WDFY2: variants seen among roughly 807,000 people sequenced by gnomAD.
WDFY2 encodes the protein WD repeat and FYVE domain-containing protein 2.
WDFY2 carries 36 observed loss-of-function variants against 56.4 expected under a neutral mutation model. The observed-to-expected ratio is 0.64, with a 90% confidence interval of 0.49 to 0.84. WDFY2 has a LOEUF of 0.84. WDFY2 is among the 40% of genes least tolerant of loss of function. The pLI, the probability that WDFY2 is intolerant of heterozygous loss-of-function variation, is 0.00. For missense variants in WDFY2, 444 were observed against 512.2 expected (o/e 0.87, Z 1.29); for synonymous variants, 176 against 183.7 (o/e 0.96, Z 0.34).
At chr13:51,745,973 C>CTTTTTCTTTTTTTTTTT (rs1953090484) in intron 7 of WDFY2, among the ~76,000 whole-genome samples, 1 of 100,762 alleles carries the variant, frequency 9.9e-6, no homozygotes, top group Non-Finnish European at 1.9e-5. Context: ...TTTTCTTTTT[C>CTTTTTCTTTTTTTTTTT]TTTTTTTTTT....
intron 1 of WDFY2, chr13:51,586,239 G>A: frequency 2.5e-6 from 1 of 393,288 alleles, no homozygotes; most frequent in Non-Finnish European, 4.5e-6. Context: ...TTGTTTTTAT[G>A]GGATATATTC....
rs2146651 is a variant in WDFY2 at position 51,696,394 on chromosome 13, C to G, written c.280-7202C>G. 6.0e-3 allele frequency among the ~76,000 whole-genome samples: 911 copies of G among 152,284 alleles called. 4 individuals are homozygous for G. The highest frequency in any genetic ancestry group is 9.1e-3 in the Non-Finnish European group (617 of 68,028). On this transcript the variant is annotated intron_variant, in intron 3 of 11. Transcript: ENST00000298125. ...AAAAAGATTATTTATGTTCATCTAG[C>G]TACATTTTTCTTTAAGAAAAGAATT...
At chr13:51,585,545 T>C (rs536139922) in intron 1 of WDFY2, among the ~76,000 whole-genome samples, 18 of 152,254 alleles carry the variant, frequency 1.2e-4, no homozygotes, top group Non-Finnish European at 2.6e-4. Context: ...CTAGTTGTTC[T>C]GCCTTCAAAT....
At chr13:51,750,302 A>T (rs1310760328) in intron 7 of WDFY2, among the ~76,000 whole-genome samples, 2 of 152,226 alleles carry the variant, frequency 1.3e-5, no homozygotes, top group Non-Finnish European at 2.9e-5. Context: ...AATCCAATTT[A>T]TTGACACCCT....
chr13:51,758,862 A>T (rs1246905774), intron 11 of WDFY2, among the ~76,000 whole-genome samples: 1 of 152,158 alleles, frequency 6.6e-6, no homozygotes, highest in Non-Finnish European at 1.5e-5. Flanking sequence ...AAGCTACCAG[A>T]TCTCCGTGAC....
chr13:51,726,033 T>C (rs895572350), intron 5 of WDFY2, among the ~76,000 whole-genome samples: 2 of 152,228 alleles, frequency 1.3e-5, no homozygotes, highest in African/African-American at 4.8e-5. Flanking sequence ...ATAGGAACTA[T>C]GACAAGGGAG....
chr13:51,629,826 C>CTTTTTTTTTTTTTTTTTG (rs11432630), intron 1 of WDFY2, among the ~76,000 whole-genome samples: 2 of 125,140 alleles, frequency 1.6e-5, no homozygotes, highest in Non-Finnish European at 3.3e-5. Context: ...TCTTTCTTTT[C>CTTTTTTTTTTTTTTTTTG]TTTTTTTTTT....
At chr13:51,752,053 G>A (rs1351732626) in intron 8 of WDFY2, among the ~76,000 whole-genome samples, 1 of 152,130 alleles carries the variant, frequency 6.6e-6, no homozygotes, top group Non-Finnish European at 1.5e-5. Flanking sequence ...ATTCTGGGTA[G>A]ACTTTCCCTT....
chr13:51,612,424 A>G (rs890046045), intron 1 of WDFY2, among the ~76,000 whole-genome samples: 13 of 152,232 alleles, frequency 8.5e-5, no homozygotes, highest in African/African-American at 3.1e-4. Context: ...CTTGGCTGAC[A>G]TAAATTAGAA....
chr13:51,635,438 C>T (rs555567356), intron 1 of WDFY2, among the ~76,000 whole-genome samples: 7 of 152,336 alleles, frequency 4.6e-5, no homozygotes, highest in Middle Eastern at 3.4e-3. Flanking sequence ...ATGCACTGTG[C>T]AAGGTGCTCT....
intron 1 of WDFY2, 83 bp from the exon 2 acceptor site, chr13:51,660,513 T>A (rs1463120972): frequency 2.3e-5 from 31 of 1,353,380 alleles, no homozygotes; most frequent in Non-Finnish European, 3.2e-5. Flanking sequence ...TATATAATAT[T>A]AAGAGATTTG....
chr13:51,745,608 C>T (rs891863998), intron 7 of WDFY2, among the ~76,000 whole-genome samples: 3 of 152,056 alleles, frequency 2.0e-5, no homozygotes, highest in Non-Finnish European at 4.4e-5. Context: ...TGCTAGACAA[C>T]ACCTGAAGTT....
chr13:51,633,841 T>C, intron 1 of WDFY2, among the ~76,000 whole-genome samples: 1 of 152,204 alleles, frequency 6.6e-6, no homozygotes, highest in East Asian at 1.9e-4. Context: ...TTTAATAAAT[T>C]TTTAATATGC....
chr13:51,714,524 C>T (rs1453175567), intron 4 of WDFY2, among the ~76,000 whole-genome samples: 2 of 152,084 alleles, frequency 1.3e-5, no homozygotes, highest in Non-Finnish European at 1.5e-5. Context: ...AACTCCTGAC[C>T]TTAGGTGATC....
At position 51,727,666 on chromosome 13, in the gene WDFY2, C is replaced by G. The variant is rs1952633658; in HGVS notation, c.486-12C>G. 1 of 1,608,894 alleles carries G rather than the reference C, an allele frequency of 6.2e-7. No individual in the cohort carries two copies. The highest frequency in any genetic ancestry group is 1.1e-5 in the South Asian group (1 of 89,976). ...TAATTTTGAGAAACAATCCTTAATG[C>G]TTTCATGACAGATTTGATGTTGAAA... is the stretch of plus-strand genomic sequence containing the variant. On this transcript the variant is annotated splice_polypyrimidine_tract_variant and intron_variant, in intron 5 of 11. Transcript: ENST00000298125.
intron 1 of WDFY2, among the ~76,000 whole-genome samples, chr13:51,639,342 G>A (rs1955113108): frequency 2.6e-5 from 4 of 152,112 alleles, no homozygotes; most frequent in Admixed American, 2.0e-4. Context: ...CAGGAAGAAA[G>A]GTTGATTATA....
At chr13:51,724,735 A>G (rs1952568510) in intron 5 of WDFY2, among the ~76,000 whole-genome samples, 1 of 152,154 alleles carries the variant, frequency 6.6e-6, no homozygotes, top group Non-Finnish European at 1.5e-5. Context: ...CCTGAAGTCC[A>G]TAGTTTAGGG....
chr13:51,740,079 C>T (rs1206669350), intron 7 of WDFY2, among the ~76,000 whole-genome samples: 1 of 152,186 alleles, frequency 6.6e-6, no homozygotes. Context: ...CTAGCTTTTC[C>T]TGTAAATCTG....
chr13:51,752,809 G>A (rs1446971789), intron 8 of WDFY2: 1 of 152,030 alleles, frequency 6.6e-6, no homozygotes, highest in Admixed American at 6.5e-5. Context: ...TCATTTTTTT[G>A]CAAGTATCAT....
Sources: gnomAD v4.1 joint callset for allele counts (sites outside exome capture counted in the v4.1 genomes callset) on GRCh38, gnomAD v4.1.1 for gene constraint, MANE v1.5 for transcripts, NCBI Gene and HGNC (gene_info 2026-07-23, HGNC 2026-07-21) for gene names.